ADCY8: variants seen among roughly 807,000 people sequenced by gnomAD.
ADCY8 encodes adenylate cyclase 8, also known as adenylate cyclase type 8.
A neutral mutation model predicts 119.7 loss-of-function variants in ADCY8; 51 were observed. That is an observed-to-expected ratio of 0.43 (90% CI 0.34 to 0.54). The LOEUF (loss-of-function observed/expected upper bound fraction) is 0.54, where lower values mean the gene tolerates loss of function less well. ADCY8 is among the 20% of genes least tolerant of loss of function. The pLI is 0.03. For missense variants in ADCY8, 1,383 were observed against 1,598.8 expected, an observed-to-expected ratio of 0.87 and a Z score of 2.30; for synonymous variants, 665 against 651.0, an observed-to-expected ratio of 1.02 and a Z score of -0.33.
intron 1 of ADCY8, among the ~76,000 whole-genome samples, chr8:131,038,574 G>T (rs1219314944): frequency 6.6e-6 from 1 of 151,596 alleles, no homozygotes; most frequent in Non-Finnish European, 1.5e-5. Flanking sequence ...TTAAGGGGAA[G>T]AATAGAAAAA....
intron 11 of ADCY8, among the ~76,000 whole-genome samples, chr8:130,841,629 A>G (rs1328983539): frequency 6.6e-6 from 1 of 152,198 alleles, no homozygotes; most frequent in Non-Finnish European, 1.5e-5. Flanking sequence ...GAGGAAGAAG[A>G]ATTATTTTAG....
intron 1 of ADCY8, 44 bp downstream of exon 1, chr8:131,039,330 G>C (rs1374838267): frequency 2.5e-6 from 4 of 1,597,208 alleles, no homozygotes; most frequent in South Asian, 1.1e-5. Context: ...TCAATAACCC[G>C]GGGAAGTTAG....
chr8:130,783,220 C>A (rs1815140964), intron 17 of ADCY8, among the ~76,000 whole-genome samples: 1 of 152,152 alleles, frequency 6.6e-6, no homozygotes, highest in Non-Finnish European at 1.5e-5. Flanking sequence ...AGCTTTGTGG[C>A]TGAGTAAAGC....
intron 12 of ADCY8, among the ~76,000 whole-genome samples, chr8:130,833,365 A>G (rs939857546): frequency 6.6e-6 from 1 of 152,214 alleles, no homozygotes; most frequent in Non-Finnish European, 1.5e-5. Flanking sequence ...CTTGATATAC[A>G]TGTAAATTAG....
chr8:130,857,062 T>C (rs16904378), intron 9 of ADCY8, among the ~76,000 whole-genome samples: 23,994 of 140,114 alleles, frequency 0.17, 2,346 homozygotes, highest in Non-Finnish European at 0.23. Flanking sequence ...AATAGAACTT[T>C]GCAGGGCACA....
chr8:130,893,784 G>C (rs1819283835), intron 7 of ADCY8, among the ~76,000 whole-genome samples: 1 of 150,768 alleles, frequency 6.6e-6, no homozygotes, highest in African/African-American at 2.4e-5. Flanking sequence ...GTGTTTGTGG[G>C]TGTGCATGTT....
At chr8:130,903,649 T>C (rs1387460445) in intron 7 of ADCY8, 123 bp downstream of exon 7, 2 of 1,116,470 alleles carry the variant, frequency 1.8e-6, no homozygotes, top group African/African-American at 3.1e-5. Flanking sequence ...TTTGATCATT[T>C]GCAATTATGG....
intron 17 of ADCY8, among the ~76,000 whole-genome samples, chr8:130,781,712 C>T (rs1815085503): frequency 6.6e-6 from 1 of 152,166 alleles, no homozygotes; most frequent in South Asian, 2.1e-4. Flanking sequence ...GCTATTACTT[C>T]CCCACACTTT....
At chr8:130,960,006 T>A (rs1184805859) in intron 2 of ADCY8, among the ~76,000 whole-genome samples, 1 of 151,414 alleles carries the variant, frequency 6.6e-6, no homozygotes, top group African/African-American at 2.4e-5. Context: ...CAGAAAAGAG[T>A]AGATTCAATG....
At chr8:130,805,384 T>C (rs2130130161) in intron 14 of ADCY8, among the ~76,000 whole-genome samples, 1 of 152,314 alleles carries the variant, frequency 6.6e-6, no homozygotes, top group Middle Eastern at 3.4e-3. Flanking sequence ...GTAATAATAA[T>C]AATGACAAGC....
At position 130,874,160 on chromosome 8, in the gene ADCY8, T is replaced by A. The variant is rs566408195; in HGVS notation, c.2110-6214A>T. Among the ~76,000 whole-genome samples the A allele has an allele frequency of 2.0e-5, 3 of 151,964 alleles. No homozygotes were observed. In the East Asian group the frequency reaches 5.8e-4, roughly 30 times the overall value. On this transcript the variant is annotated intron_variant, in intron 8 of 17. Transcript: ENST00000286355. Reference sequence around the variant, plus strand: ...CTGTCTCTGCTAAAAATACAAAAATTAGCTGGGTGTGGTGGTGTGCACCTG... The same window carrying A: ...CTGTCTCTGCTAAAAATACAAAAATAAGCTGGGTGTGGTGGTGTGCACCTG...
chr8:130,796,262 C>T (rs144714133), intron 15 of ADCY8, among the ~76,000 whole-genome samples: 1 of 152,298 alleles, frequency 6.6e-6, no homozygotes, highest in East Asian at 1.9e-4. Flanking sequence ...AATATCCATC[C>T]AGCAGATTTA....
At chr8:130,913,517 A>T (rs1055705095) in intron 5 of ADCY8, among the ~76,000 whole-genome samples, 1 of 152,116 alleles carries the variant, frequency 6.6e-6, no homozygotes, top group Non-Finnish European at 1.5e-5. Context: ...TCTGGGCAGA[A>T]GCTTTAAGAC....
At chr8:130,951,255 G>C (rs1011730676) in intron 3 of ADCY8, among the ~76,000 whole-genome samples, 2 of 152,196 alleles carry the variant, frequency 1.3e-5, no homozygotes, top group African/African-American at 4.8e-5. Context: ...AGGCAGAATT[G>C]GGATTTTAAA....
At chr8:130,893,783 GGTGTGCATGTTTGTGT>G (rs1298603798) in intron 7 of ADCY8, among the ~76,000 whole-genome samples, 1 of 144,712 alleles carries the variant, frequency 6.9e-6, no homozygotes, top group Non-Finnish European at 1.5e-5. Context: ...TGTGTTTGTG[GGTGTGCATGTTTGTGT>G]GTGTGCATGT....
At chr8:130,864,676 A>G (rs866211046) in intron 9 of ADCY8, among the ~76,000 whole-genome samples, 1 of 152,002 alleles carries the variant, frequency 6.6e-6, no homozygotes, top group Non-Finnish European at 1.5e-5. Context: ...TATTTCTGTT[A>G]GGTGTTTTTA....
At chr8:130,985,495 G>C (rs1822375988) in intron 2 of ADCY8, among the ~76,000 whole-genome samples, 1 of 152,144 alleles carries the variant, frequency 6.6e-6, no homozygotes, top group African/African-American at 2.4e-5. Flanking sequence ...TCAGTGGGTG[G>C]CTTTGAATGT....
At chr8:131,016,012 T>C (rs572048493) in intron 1 of ADCY8, among the ~76,000 whole-genome samples, 60 of 152,346 alleles carry the variant, frequency 3.9e-4, no homozygotes, top group African/African-American at 1.4e-3. Context: ...GAGTACCTAC[T>C]ACATGTCAGG....
chr8:130,993,507 T>C (rs754663200), intron 1 of ADCY8, among the ~76,000 whole-genome samples: 1 of 152,194 alleles, frequency 6.6e-6, no homozygotes, highest in Non-Finnish European at 1.5e-5. Flanking sequence ...CAAAATCTCA[T>C]CTTGAATTGT....
Sources: allele counts gnomAD v4.1 joint callset (sites outside exome capture counted in the v4.1 genomes callset), GRCh38; gene constraint gnomAD v4.1.1; transcripts MANE v1.5; gene names NCBI Gene and HGNC (gene_info 2026-07-23, HGNC 2026-07-21).